The following MAN1A1 variants were observed in gnomAD, a reference collection of about 807,000 sequenced individuals.
MAN1A1 encodes the protein mannosidase alpha class 1A member 1, also known as mannosyl-oligosaccharide 1,2-alpha-mannosidase IA.
In MAN1A1, 29 loss-of-function variants were observed where a neutral mutation model predicts 70.8. That is an observed-to-expected ratio of 0.41 (90% CI 0.31 to 0.56). The LOEUF is 0.56. Among genes scored for constraint, MAN1A1 ranks in the 20% least tolerant of loss-of-function variants. The probability of loss-of-function intolerance (pLI) is 0.29; values close to 1 mark genes in which losing one functional copy is unlikely to be tolerated. For synonymous variants in MAN1A1, 349 were observed against 330.1 expected, an observed-to-expected ratio of 1.06 and a Z score of -0.62; for missense variants, 747 against 841.3, an observed-to-expected ratio of 0.89 and a Z score of 1.39.
rs145136055 is a variant in MAN1A1, at chr6:119,345,289, T to G, written c.603+3174A>C. 4.5e-4 allele frequency among the ~76,000 whole-genome samples: 68 copies of G among 152,262 alleles called. 1 individual carries two copies. Among genetic ancestry groups the G allele is most frequent in the African/African-American group, 1.3e-3 (54 of 41,548 alleles). ...TTTCTAAAACTTCCATGCTGCTATT[T>G]TAACTTTTGTGCTTCATTATTCTAA... On this transcript the variant is annotated intron_variant, in intron 2 of 12. Coordinates refer to ENST00000368468, the MANE Select transcript of MAN1A1 (RefSeq NM_005907.4).
chr6:119,180,436 T>TAG lies in MAN1A1; in HGVS notation c.1720-11_1720-10dup. 1 of 1,444,686 alleles carries TAG rather than the reference T, an allele frequency of 6.9e-7. No homozygotes were observed. Among genetic ancestry groups the TAG allele is most frequent in the Non-Finnish European group, 9.6e-7 (1 of 1,040,538 alleles). 89.5% of individuals were successfully genotyped at this position (1,444,686 alleles called of 1,614,324 possible). A position where few individuals can be genotyped will look rare whatever the true frequency, so the allele number is the denominator to read the frequency against. On this transcript the variant is annotated splice_polypyrimidine_tract_variant and intron_variant, in intron 11 of 12. Transcript: ENST00000368468. Reference sequence around the variant, plus strand: ...CAATGGTTTTCCAAGGCCTAAATTATAGAGGAGGAAAAAAAAAAGTCACAT... The same window carrying TAG: ...CAATGGTTTTCCAAGGCCTAAATTATAGAGAGGAGGAAAAAAAAAAGTCACAT...
At chr6:119,340,354 G>A (rs1285792644) in intron 2 of MAN1A1, among the ~76,000 whole-genome samples, 2 of 152,272 alleles carry the variant, frequency 1.3e-5, no homozygotes, top group East Asian at 1.9e-4. Context: ...CAGGAAGCTG[G>A]ACATGCCACC....
intron 2 of MAN1A1, among the ~76,000 whole-genome samples, chr6:119,311,416 A>T (rs1772696929): frequency 6.6e-6 from 1 of 152,328 alleles, no homozygotes; most frequent in South Asian, 2.1e-4. Context: ...AGAAAGGAAG[A>T]GTAGAAAGGT....
At chr6:119,258,229 G>A (rs1233895591) in intron 5 of MAN1A1, among the ~76,000 whole-genome samples, 3 of 152,062 alleles carry the variant, frequency 2.0e-5, no homozygotes, top group East Asian at 1.9e-4. Flanking sequence ...CAAAATCCAG[G>A]ATTGGTGATC....
chr6:119,196,010 G>A (rs1187514663), intron 8 of MAN1A1, among the ~76,000 whole-genome samples: 3 of 152,048 alleles, frequency 2.0e-5, no homozygotes, highest in African/African-American at 7.2e-5. Context: ...CAAGTGATGC[G>A]TGGAAAAGCA....
intron 5 of MAN1A1, among the ~76,000 whole-genome samples, chr6:119,259,065 G>T (rs1775534824): frequency 6.6e-6 from 1 of 152,148 alleles, no homozygotes; most frequent in Non-Finnish European, 1.5e-5. Context: ...ATAATAGAAG[G>T]ATACTAGGCC....
intron 6 of MAN1A1, among the ~76,000 whole-genome samples, chr6:119,239,564 T>G (rs527485864): frequency 4.6e-5 from 7 of 152,226 alleles, no homozygotes; most frequent in Non-Finnish European, 8.8e-5. Flanking sequence ...ATGTAGTTAG[T>G]TGAATATTTA....
intron 10 of MAN1A1, among the ~76,000 whole-genome samples, chr6:119,189,055 T>C (rs1005763286): frequency 4.6e-5 from 7 of 152,208 alleles, no homozygotes; most frequent in African/African-American, 1.7e-4. Flanking sequence ...TCATGTAATA[T>C]ATAATATTCA....
chr6:119,282,704 C>A (rs936447728), intron 5 of MAN1A1, among the ~76,000 whole-genome samples: 1 of 152,058 alleles, frequency 6.6e-6, no homozygotes, highest in African/African-American at 2.4e-5. Flanking sequence ...AAGGCTAAAT[C>A]TAAACCTCTA....
chr6:119,248,484 A>T, intron 5 of MAN1A1, 130 bp from the exon 6 acceptor site: 2 of 618,482 alleles, frequency 3.2e-6, no homozygotes, highest in Non-Finnish European at 5.8e-6. Context: ...TCTGACAAAA[A>T]GTTTACCAAA....
chr6:119,337,334 G>A (rs1443891926), intron 2 of MAN1A1, among the ~76,000 whole-genome samples: 2 of 152,090 alleles, frequency 1.3e-5, no homozygotes, highest in Non-Finnish European at 2.9e-5. Context: ...CTTCAAAGAT[G>A]AGCGGACACC....
Position 119,348,997 on chromosome 6 carries a change from G to C in MAN1A1, c.69C>G (p.Gly23=). 7.0e-7 allele frequency: 1 copy of C among 1,427,514 alleles called. No homozygotes were observed. The highest frequency in any genetic ancestry group is 1.6e-5 in the South Asian group (1 of 63,536). The allele number at this position is 1,427,514 out of a possible 1,614,324, so 88.4% of individuals were successfully genotyped here. Residue 23 remains glycine, a synonymous_variant, in exon 2 of 13, where the codon GGC becomes GGG. Transcript: ENST00000368468. The part of the protein sequence containing the change: ...PAGGVLGGGL[G]GGGGRKGSGP... Reference sequence around the variant, plus strand: ...CCGACCCCTTCCTGCCACCGCCGCCGCCGAGCCCCCCGCCCAGGACGCCGC... The same window carrying C: ...CCGACCCCTTCCTGCCACCGCCGCCCCCGAGCCCCCCGCCCAGGACGCCGC...
At chr6:119,205,589 T>A (rs1773837878) in intron 6 of MAN1A1, among the ~76,000 whole-genome samples, 1 of 152,186 alleles carries the variant, frequency 6.6e-6, no homozygotes, top group South Asian at 2.1e-4. Flanking sequence ...AATGCTTTTT[T>A]AAAAAACTAG....
chr6:119,297,735 C>CTTTTTTTTTTTTTT, intron 4 of MAN1A1, among the ~76,000 whole-genome samples: 1 of 95,686 alleles, frequency 1.0e-5, no homozygotes, highest in Non-Finnish European at 2.0e-5. Flanking sequence ...AAATAGTTTC[C>CTTTTTTTTTTTTTT]TTTTTTTTTT....
intron 6 of MAN1A1, among the ~76,000 whole-genome samples, chr6:119,234,703 C>A (rs959463556): frequency 7.9e-5 from 12 of 152,138 alleles, no homozygotes; most frequent in Non-Finnish European, 1.8e-4. Context: ...GTATGAGTCA[C>A]CACACCCAGC....
chr6:119,280,968 C>A (rs978895266), intron 5 of MAN1A1, among the ~76,000 whole-genome samples: 1 of 152,120 alleles, frequency 6.6e-6, no homozygotes, highest in Non-Finnish European at 1.5e-5. Flanking sequence ...CACGGCAGGC[C>A]GCTGCCAAAC....
chr6:119,263,681 T>C (rs1775673693), intron 5 of MAN1A1, among the ~76,000 whole-genome samples: 1 of 152,038 alleles, frequency 6.6e-6, no homozygotes, highest in Non-Finnish European at 1.5e-5. Flanking sequence ...TAAAGGTAAC[T>C]CAATTATGCA....
intron 2 of MAN1A1, among the ~76,000 whole-genome samples, chr6:119,337,569 G>A (rs771124398): frequency 6.6e-6 from 1 of 152,226 alleles, no homozygotes; most frequent in Non-Finnish European, 1.5e-5. Context: ...ACTGCAAAGA[G>A]CCAATGTCAT....
At chr6:119,310,947 GCTT>G (rs1179670190) in intron 2 of MAN1A1, among the ~76,000 whole-genome samples, 2 of 152,272 alleles carry the variant, frequency 1.3e-5, no homozygotes, top group East Asian at 3.9e-4. Flanking sequence ...TTGTAGAAAA[GCTT>G]CTCATTTACT....
Sources: gnomAD v4.1 joint callset for allele counts (sites outside exome capture counted in the v4.1 genomes callset) on GRCh38, gnomAD v4.1.1 for gene constraint, MANE v1.5 for transcripts, NCBI Gene and HGNC (gene_info 2026-07-23, HGNC 2026-07-21) for gene names.